Variants in PDE3B observed in about 807,000 individuals in gnomAD.
PDE3B encodes cGMP-inhibited 3',5'-cyclic phosphodiesterase 3B.
Under a neutral mutation model 116.8 loss-of-function variants are expected in PDE3B, and 66 were observed. That is an observed-to-expected ratio of 0.56 (90% CI 0.46 to 0.69). PDE3B has a LOEUF of 0.69. PDE3B is among the 30% of genes least tolerant of loss of function. PDE3B has a pLI of 0.00. For missense variants in PDE3B, 1,384 were observed against 1,368.1 expected, an observed-to-expected ratio of 1.01 and a Z score of -0.18; for synonymous variants, 595 against 533.6, an observed-to-expected ratio of 1.12 and a Z score of -1.59.
At chr11:14,857,389 ATTC>A (rs1393066639) in intron 12 of PDE3B, among the ~76,000 whole-genome samples, 2 of 152,176 alleles carry the variant, frequency 1.3e-5, no homozygotes, top group African/African-American at 4.8e-5. Flanking sequence ...ACCTTCAAGT[ATTC>A]TTCTAAAGTA....
At chr11:14,895,769 A>G in the PDE3B span, among the ~76,000 whole-genome samples, 3 of 152,246 alleles carry the variant, frequency 2.0e-5, no homozygotes, top group African/African-American at 4.8e-5. Flanking sequence ...CATTCCCTAT[A>G]ACAGGCTAAG....
chr11:14,658,806 C>CT (rs1200625214), intron 1 of PDE3B, among the ~76,000 whole-genome samples: 2 of 152,166 alleles, frequency 1.3e-5, no homozygotes, highest in Non-Finnish European at 2.9e-5. Context: ...TTAATATTCT[C>CT]TATCATATTT....
intron 1 of PDE3B, among the ~76,000 whole-genome samples, chr11:14,694,062 A>T (rs1170377364): frequency 2.0e-5 from 3 of 152,134 alleles, no homozygotes; most frequent in Non-Finnish European, 4.4e-5. Context: ...TGCAGATGTG[A>T]TGGAAATAGC....
chr11:14,658,974 C>G (rs1479564675), intron 1 of PDE3B, among the ~76,000 whole-genome samples: 2 of 152,148 alleles, frequency 1.3e-5, no homozygotes, highest in Admixed American at 6.6e-5. Context: ...CTTCGCAGGA[C>G]ATTTTTTTCC....
chr11:14,778,388 C>T (rs1050458185), intron 2 of PDE3B, among the ~76,000 whole-genome samples: 5 of 152,200 alleles, frequency 3.3e-5, no homozygotes, highest in Non-Finnish European at 7.3e-5. Context: ...CCCTGACCCC[C>T]GAGTAGCCTA....
chr11:14,667,538 G>C (rs1360509979), intron 1 of PDE3B, among the ~76,000 whole-genome samples: 1 of 151,648 alleles, frequency 6.6e-6, no homozygotes, highest in Non-Finnish European at 1.5e-5. Context: ...GGCCTTCGTA[G>C]GGACATGGAT....
intron 2 of PDE3B, chr11:14,773,742 T>A (rs1190887214): frequency 6.6e-6 from 1 of 152,226 alleles, no homozygotes; most frequent in Admixed American, 6.5e-5. Flanking sequence ...TTGTTGTTGT[T>A]CCTTCTGGCA....
intron 1 of PDE3B, among the ~76,000 whole-genome samples, chr11:14,659,754 C>T (rs1203715517): frequency 1.3e-5 from 2 of 152,144 alleles, no homozygotes; most frequent in Non-Finnish European, 2.9e-5. Context: ...TATCTTTTTA[C>T]AAGTAATATC....
chr11:14,822,945 C>A (rs1763625352), intron 7 of PDE3B, among the ~76,000 whole-genome samples: 1 of 152,008 alleles, frequency 6.6e-6, no homozygotes, highest in African/African-American at 2.4e-5. Flanking sequence ...GCAGCCTTAG[C>A]CATTGTTGCC....
intron 1 of PDE3B, among the ~76,000 whole-genome samples, chr11:14,729,452 A>G (rs934728801): frequency 6.6e-6 from 1 of 152,194 alleles, no homozygotes; most frequent in African/African-American, 2.4e-5. Context: ...CTTCAATGAG[A>G]TGCTTTGCTT....
intron 1 of PDE3B, among the ~76,000 whole-genome samples, chr11:14,660,181 C>T (rs1272937295): frequency 2.0e-5 from 3 of 152,114 alleles, no homozygotes; most frequent in Admixed American, 6.5e-5. Context: ...AGATCTTATG[C>T]CCTGTTTATA....
At chr11:14,890,335 A>T in the PDE3B span, 1 of 310,840 alleles carries the variant, frequency 3.2e-6, no homozygotes, top group Non-Finnish European at 4.7e-6. Context: ...GTACCAAGAT[A>T]CCAAAGAGAT....
intron 1 of PDE3B, among the ~76,000 whole-genome samples, chr11:14,740,803 T>A (rs2133864994): frequency 6.6e-6 from 1 of 152,356 alleles, no homozygotes; most frequent in Non-Finnish European, 1.5e-5. Context: ...ATGTAGTGTC[T>A]TTGTTCTCAT....
At chr11:14,853,198 C>G (rs1034642439) in intron 12 of PDE3B, among the ~76,000 whole-genome samples, 1 of 152,066 alleles carries the variant, frequency 6.6e-6, no homozygotes, top group South Asian at 2.1e-4. Flanking sequence ...CTTCTTTATA[C>G]CATTATGCTC....
the PDE3B span, chr11:14,887,487 A>G: frequency 1.3e-5 from 9 of 675,028 alleles, no homozygotes; most frequent in Non-Finnish European, 1.5e-5. Context: ...GTGAAAACTT[A>G]TCCTTAAACT....
chr11:14,892,135 G>A, the PDE3B span: 1 of 1,611,342 alleles, frequency 6.2e-7, no homozygotes, highest in Non-Finnish European at 8.5e-7. Flanking sequence ...GACCCCTAGC[G>A]CGAAGAGCAG....
chr11:14,701,880 C>G (rs981803845), intron 1 of PDE3B, among the ~76,000 whole-genome samples: 3 of 151,432 alleles, frequency 2.0e-5, no homozygotes, highest in African/African-American at 7.3e-5. Flanking sequence ...TTCCTTTACC[C>G]CTGGTGCTCA....
At chr11:14,780,693 A>T (rs926143202) in intron 2 of PDE3B, among the ~76,000 whole-genome samples, 6 of 152,212 alleles carry the variant, frequency 3.9e-5, no homozygotes, top group African/African-American at 1.4e-4. Context: ...TATAGCACTA[A>T]ATGCCCACAA....
At chr11:14,650,252 G>C (rs1296221704) in intron 1 of PDE3B, among the ~76,000 whole-genome samples, 1 of 150,982 alleles carries the variant, frequency 6.6e-6, no homozygotes, top group Admixed American at 6.6e-5. Flanking sequence ...CCCAGGCTAG[G>C]GTGCAGTGAT....
Sources: allele counts gnomAD v4.1 joint callset (sites outside exome capture counted in the v4.1 genomes callset), GRCh38; gene constraint gnomAD v4.1.1; transcripts MANE v1.5; gene names NCBI Gene and HGNC (gene_info 2026-07-23, HGNC 2026-07-21).